The following SPIDR variants were observed in gnomAD, a reference collection of about 807,000 sequenced individuals.
The protein encoded by SPIDR is DNA repair-scaffolding protein.
Under a neutral mutation model 104.6 loss-of-function variants are expected in SPIDR, and 93 were observed. That is an observed-to-expected ratio of 0.89 (90% CI 0.75 to 1.06). SPIDR has a LOEUF of 1.06. Ranked by LOEUF, SPIDR falls within the 50% of genes least tolerant of loss-of-function variation. The pLI, the probability that SPIDR is intolerant of heterozygous loss-of-function variation, is 0.00. For synonymous variants in SPIDR, 431 were observed against 416.9 expected, an observed-to-expected ratio of 1.03 and a Z score of -0.41; for missense variants, 1,154 against 1,111.2, an observed-to-expected ratio of 1.04 and a Z score of -0.55.
intron 8 of SPIDR, among the ~76,000 whole-genome samples, chr8:47,520,957 C>G (rs1256322095): frequency 6.6e-6 from 1 of 152,206 alleles, no homozygotes; most frequent in African/African-American, 2.4e-5. Context: ...CATCGTCCTG[C>G]TGCTCCATAT....
intron 10 of SPIDR, among the ~76,000 whole-genome samples, chr8:47,647,193 G>T (rs1226432228): frequency 6.6e-6 from 1 of 152,138 alleles, no homozygotes; most frequent in Admixed American, 6.5e-5. Context: ...TGCCTACTGT[G>T]TTTCAAGCAT....
Position 47,622,383 on chromosome 8 carries a change from C to T in SPIDR, c.1544+23187C>T, listed in dbSNP as rs144420108. On this transcript the variant is annotated intron_variant, in intron 10 of 19. Transcript: ENST00000297423. ...AGCAGCTGTACAGCCTGTGACGTTC[C>T]CTAAGCTTCTGGCCTCCTGGCCACA... 1.7e-3 allele frequency among the ~76,000 whole-genome samples: 254 copies of T among 152,250 alleles called. 1 individual carries two copies. Among genetic ancestry groups the T allele is most frequent in the Non-Finnish European group, 3.0e-3 (206 of 68,022 alleles).
chr8:47,367,195 A>G (rs561292738), intron 5 of SPIDR, among the ~76,000 whole-genome samples: 2 of 152,216 alleles, frequency 1.3e-5, no homozygotes, highest in Non-Finnish European at 1.5e-5. Flanking sequence ...TGGCTTGGAG[A>G]TGGAGAGGAC....
intron 10 of SPIDR, among the ~76,000 whole-genome samples, chr8:47,611,603 C>T (rs1378640641): frequency 6.6e-6 from 1 of 151,908 alleles, no homozygotes; most frequent in African/African-American, 2.4e-5. Flanking sequence ...GAGGCTGAGG[C>T]AGGAGAGTGG....
intron 10 of SPIDR, among the ~76,000 whole-genome samples, chr8:47,637,947 CT>C (rs199741156): frequency 6.4e-4 from 97 of 151,572 alleles, no homozygotes; most frequent in African/African-American, 2.3e-3. Flanking sequence ...CTCTTCTCTA[CT>C]TTTTTTTTCA....
intron 10 of SPIDR, among the ~76,000 whole-genome samples, chr8:47,645,330 A>G (rs2070118412): frequency 6.6e-6 from 1 of 152,118 alleles, no homozygotes; most frequent in South Asian, 2.1e-4. Context: ...ATGTGGGATG[A>G]TAGGAAGTGG....
In SPIDR at chr8:47,732,353, ATGTG is replaced by A. The variant is rs1309524310; in HGVS notation, c.2604+2890_2604+2893del. 2.0e-5 allele frequency among the ~76,000 whole-genome samples: 3 copies of A among 152,244 alleles called. No individual in the cohort carries two copies. In the East Asian group the frequency reaches 5.8e-4, roughly 29 times the overall value. The stretch of plus-strand genomic sequence containing the variant: ...AGCACCTTTGCCCATGCCCGTGTGC[ATGTG>A]TATGTGTCCACTTGACTATGCTGTG... On this transcript the variant is annotated intron_variant, in intron 19 of 19. Coordinates refer to ENST00000297423, the MANE Select transcript of SPIDR (RefSeq NM_001080394.4).
chr8:47,701,892 T>G, intron 13 of SPIDR, 28 bp downstream of exon 13: 2 of 1,614,174 alleles, frequency 1.2e-6, no homozygotes, highest in East Asian at 4.5e-5. Context: ...AACAGGTTTT[T>G]TAGGTATTGG....
chr8:47,400,193 G>A (rs1298805877), intron 6 of SPIDR, among the ~76,000 whole-genome samples: 2 of 152,224 alleles, frequency 1.3e-5, no homozygotes, highest in Non-Finnish European at 2.9e-5. Flanking sequence ...TTCAGGCCCA[G>A]TGAGAGGGTA....
intron 8 of SPIDR, among the ~76,000 whole-genome samples, chr8:47,493,038 A>AGAGT (rs1491386619): frequency 3.1e-5 from 2 of 64,810 alleles, no homozygotes; most frequent in African/African-American, 1.5e-4. Flanking sequence ...AGAGAGAGAG[A>AGAGT]GTGAGTGTGT....
chr8:47,307,877 C>A (rs1223384110), intron 5 of SPIDR, among the ~76,000 whole-genome samples: 1 of 152,010 alleles, frequency 6.6e-6, no homozygotes, highest in African/African-American at 2.4e-5. Context: ...GTCATAAAGT[C>A]TTTCTCTGGA....
chr8:47,466,973 G>GA (rs1435957086), intron 8 of SPIDR, among the ~76,000 whole-genome samples: 1 of 148,090 alleles, frequency 6.8e-6, no homozygotes, highest in Non-Finnish European at 1.5e-5. Flanking sequence ...CTGCTAGCTA[G>GA]ACTAAACAGA....
chr8:47,725,120 A>C (rs1287348190), intron 16 of SPIDR, among the ~76,000 whole-genome samples: 2 of 152,228 alleles, frequency 1.3e-5, no homozygotes, highest in Non-Finnish European at 2.9e-5. Context: ...GGTATAGCAG[A>C]GTTCAAGTTA....
At chr8:47,536,913 AACAG>A (rs2087015984) in intron 8 of SPIDR, among the ~76,000 whole-genome samples, 1 of 152,244 alleles carries the variant, frequency 6.6e-6, no homozygotes, top group Non-Finnish European at 1.5e-5. Flanking sequence ...AAAAGCTCTG[AACAG>A]ACAACTCATT....
chr8:47,519,015 GCT>G (rs1409530732), intron 8 of SPIDR, among the ~76,000 whole-genome samples: 2 of 152,164 alleles, frequency 1.3e-5, no homozygotes, highest in Non-Finnish European at 2.9e-5. Context: ...TGAAAGCCAA[GCT>G]CTAAGATTCC....
chr8:47,402,365 T>C (rs1238433191), intron 6 of SPIDR, among the ~76,000 whole-genome samples: 2 of 152,154 alleles, frequency 1.3e-5, no homozygotes, highest in South Asian at 2.1e-4. Context: ...AGAGCAGAAC[T>C]GAAGGAGATA....
At chr8:47,705,132 G>T (rs1188800840) in intron 14 of SPIDR, among the ~76,000 whole-genome samples, 8 of 152,228 alleles carry the variant, frequency 5.3e-5, no homozygotes, top group African/African-American at 1.9e-4. Flanking sequence ...AAGAAAGCAG[G>T]TGTCAAAATG....
At chr8:47,614,988 A>G (rs2064102100) in intron 10 of SPIDR, among the ~76,000 whole-genome samples, 1 of 152,150 alleles carries the variant, frequency 6.6e-6, no homozygotes, top group African/African-American at 2.4e-5. Context: ...CCTATAATAT[A>G]CATGCTTTGC....
chr8:47,520,955 T>C lies in SPIDR; in HGVS notation c.1098-74856T>C, dbSNP rs1034201017. On this transcript the variant is annotated intron_variant, in intron 8 of 19. Coordinates refer to ENST00000297423, the MANE Select transcript of SPIDR (RefSeq NM_001080394.4). ...TTATGGGTCCAGCATGACATCGTCC[T>C]GCTGCTCCATATGGCATCAATGTAA... 3.9e-5 allele frequency among the ~76,000 whole-genome samples: 6 copies of C among 152,374 alleles called. 1 individual carries two copies. In the South Asian group the frequency reaches 1.2e-3, roughly 32 times the overall value.
Sources: gnomAD v4.1 joint callset for allele counts (sites outside exome capture counted in the v4.1 genomes callset) on GRCh38, gnomAD v4.1.1 for gene constraint, MANE v1.5 for transcripts, NCBI Gene and HGNC (gene_info 2026-07-23, HGNC 2026-07-21) for gene names.